Variants in ZNF569 observed in about 807,000 individuals in gnomAD.
The protein encoded by ZNF569 is DNA-binding protein.
Under a neutral mutation model 56.3 loss-of-function variants are expected in ZNF569, and 38 were observed. The ratio of observed to expected loss-of-function variants is 0.68; its 90% CI spans 0.52 to 0.88. The LOEUF (loss-of-function observed/expected upper bound fraction) is 0.88, where lower values mean the gene tolerates loss of function less well. Among genes scored for constraint, ZNF569 ranks in the 40% least tolerant of loss-of-function variants. The pLI is 0.00. For synonymous variants in ZNF569, 241 were observed against 262.9 expected, an observed-to-expected ratio of 0.92 and a Z score of 0.81; for missense variants, 666 against 809.2, an observed-to-expected ratio of 0.82 and a Z score of 2.15.
chr19:37,416,793 T>C (rs2040941452), intron 5 of ZNF569, among the ~76,000 whole-genome samples: 1 of 152,180 alleles, frequency 6.6e-6, no homozygotes, highest in East Asian at 1.9e-4. Context: ...CAACAAAAAG[T>C]ATGAAAAATA....
rs1421949989 is a variant in ZNF569 at position 37,467,133 on chromosome 19, G to C, written c.-254C>G. The stretch of plus-strand genomic sequence containing the variant: ...CGATTCCACACTTAACGCTGCCAAA[G>C]TGGCAGAGCCGGCGCGGGCTGGGAC... On this transcript the variant is annotated 5_prime_UTR_variant, in exon 1 of 6. Transcript: ENST00000316950. The C allele has an allele frequency of 6.6e-6, 1 of 152,312 alleles. No homozygotes were observed. Among genetic ancestry groups the C allele is most frequent in the Non-Finnish European group, 1.5e-5 (1 of 68,126 alleles). 9.4% of individuals were successfully genotyped at this position (152,312 alleles called of 1,614,324 possible).
At chr19:37,451,906 G>A (rs1330231047) in intron 2 of ZNF569, among the ~76,000 whole-genome samples, 2 of 152,112 alleles carry the variant, frequency 1.3e-5, no homozygotes, top group Non-Finnish European at 2.9e-5. Flanking sequence ...TTCTTGATTG[G>A]GGAGTTTAAT....
chr19:37,445,031 G>T, intron 2 of ZNF569, 67 bp from the exon 3 acceptor site: 1 of 1,257,600 alleles, frequency 8.0e-7, no homozygotes, highest in Non-Finnish European at 1.1e-6. Context: ...CACACACAGG[G>T]TGGATTAAAG....
intron 2 of ZNF569, among the ~76,000 whole-genome samples, chr19:37,463,428 G>T (rs1187508832): frequency 6.6e-6 from 1 of 152,146 alleles, no homozygotes; most frequent in Non-Finnish European, 1.5e-5. Context: ...TGATGCTAGT[G>T]TCAACACCCC....
intron 2 of ZNF569, among the ~76,000 whole-genome samples, chr19:37,445,165 T>C (rs2041472074): frequency 6.6e-6 from 1 of 152,108 alleles, no homozygotes; most frequent in Non-Finnish European, 1.5e-5. Context: ...ACAGGGTGGA[T>C]AGAAACAGGG....
At chr19:37,451,551 T>C (rs2041594329) in intron 2 of ZNF569, among the ~76,000 whole-genome samples, 1 of 152,118 alleles carries the variant, frequency 6.6e-6, no homozygotes, top group Non-Finnish European at 1.5e-5. Context: ...TCCTATTATA[T>C]TGTATTGCTG....
At chr19:37,452,564 C>T (rs1295851497) in intron 2 of ZNF569, among the ~76,000 whole-genome samples, 3 of 151,856 alleles carry the variant, frequency 2.0e-5, no homozygotes, top group Admixed American at 6.6e-5. Context: ...TATAGTATTC[C>T]GGGTTGGCAG....
intron 2 of ZNF569, among the ~76,000 whole-genome samples, chr19:37,452,112 T>A (rs2041603525): frequency 6.6e-6 from 1 of 151,566 alleles, no homozygotes; most frequent in African/African-American, 2.4e-5. Flanking sequence ...ATGTAGTTAG[T>A]TTGGGGCTTA....
chr19:37,435,264 T>C (rs531536287), intron 3 of ZNF569, among the ~76,000 whole-genome samples: 3 of 152,354 alleles, frequency 2.0e-5, no homozygotes, highest in Admixed American at 2.0e-4. Context: ...CAGCTTAAAG[T>C]AATATGTTAT....
At chr19:37,448,300 AG>A (rs1299516506) in intron 2 of ZNF569, among the ~76,000 whole-genome samples, 2 of 152,232 alleles carry the variant, frequency 1.3e-5, no homozygotes, top group African/African-American at 4.8e-5. Context: ...GAATTTTGGT[AG>A]TTTATGTCTT....
At chr19:37,435,053 A>C (rs960535911) in intron 3 of ZNF569, among the ~76,000 whole-genome samples, 1 of 152,170 alleles carries the variant, frequency 6.6e-6, no homozygotes, top group African/African-American at 2.4e-5. Context: ...TGAACCTGGG[A>C]GGCGGAGGTT....
chr19:37,455,302 C>G (rs2041654918), intron 2 of ZNF569, among the ~76,000 whole-genome samples: 1 of 152,120 alleles, frequency 6.6e-6, no homozygotes, highest in African/African-American at 2.4e-5. Context: ...TGGAGGAACT[C>G]AACTTTAAGC....
intron 5 of ZNF569, among the ~76,000 whole-genome samples, chr19:37,423,624 CTT>C (rs756546134): frequency 6.6e-6 from 1 of 152,120 alleles, no homozygotes; most frequent in Non-Finnish European, 1.5e-5. Flanking sequence ...GGAATAATCT[CTT>C]TGGGAAAAAA....
intron 3 of ZNF569, among the ~76,000 whole-genome samples, chr19:37,437,292 A>G (rs940520941): frequency 6.6e-6 from 1 of 152,210 alleles, no homozygotes; most frequent in African/African-American, 2.4e-5. Context: ...CCCTTCCATG[A>G]TAAAAACCCT....
chr19:37,442,096 G>A (rs544320748), intron 3 of ZNF569, among the ~76,000 whole-genome samples: 1 of 152,308 alleles, frequency 6.6e-6, no homozygotes, highest in South Asian at 2.1e-4. Context: ...GAAACACTCT[G>A]GGCCTCTTGG....
At chr19:37,451,403 A>G (rs76142765) in intron 2 of ZNF569, among the ~76,000 whole-genome samples, 1 of 151,202 alleles carries the variant, frequency 6.6e-6, no homozygotes, top group Non-Finnish European at 1.5e-5. Context: ...CCATCTGAAA[A>G]AAAAAAAAAA....
rs151057598 is a variant in ZNF569, at chr19:37,448,662, C to A, written c.-43-3698G>T. 6.2e-3 allele frequency among the ~76,000 whole-genome samples: 913 copies of A among 147,132 alleles called. 2 individuals carry two copies. Among genetic ancestry groups the A allele is most frequent in the Non-Finnish European group, 0.01 (693 of 67,414 alleles). ...CACCGCAAGCTCCGCCTCCCGGGTT[C>A]ACGCCTTTCTCCTGCCTCAGCCTCG... On this transcript the variant is annotated intron_variant, in intron 2 of 5. Coordinates refer to ENST00000316950, the MANE Select transcript of ZNF569 (RefSeq NM_152484.3).
chr19:37,461,308 ATCC>A (rs1035757672), intron 2 of ZNF569, among the ~76,000 whole-genome samples: 2 of 147,656 alleles, frequency 1.4e-5, no homozygotes, highest in Non-Finnish European at 3.0e-5. Flanking sequence ...TATGAAAAAT[ATCC>A]TCTTTTTTTT....
chr19:37,446,532 A>T (rs1019645583), intron 2 of ZNF569, among the ~76,000 whole-genome samples: 1 of 142,848 alleles, frequency 7.0e-6, no homozygotes, highest in Non-Finnish European at 1.5e-5. Context: ...CCTGGGCAAC[A>T]GAGCGCGACT....
Sources: gnomAD v4.1 joint callset for allele counts (sites outside exome capture counted in the v4.1 genomes callset) on GRCh38, gnomAD v4.1.1 for gene constraint, MANE v1.5 for transcripts, NCBI Gene and HGNC (gene_info 2026-07-23, HGNC 2026-07-21) for gene names.